Variants in GPATCH2 observed in about 807,000 individuals in gnomAD.
The protein encoded by GPATCH2 is G-patch domain containing 2.
Under a neutral mutation model 58.0 loss-of-function variants are expected in GPATCH2, and 51 were observed. That is an observed-to-expected ratio of 0.88 (90% CI 0.70 to 1.11). GPATCH2 has a LOEUF of 1.11. Ranked by LOEUF, GPATCH2 falls within the 50% of genes most tolerant of loss-of-function variation. The pLI, the probability that GPATCH2 is intolerant of heterozygous loss-of-function variation, is 0.00. For missense variants in GPATCH2, 625 were observed against 652.2 expected (o/e 0.96, Z 0.45); for synonymous variants, 222 against 218.5 (o/e 1.02, Z -0.14).
intron 8 of GPATCH2, among the ~76,000 whole-genome samples, chr1:217,487,987 G>A (rs961994440): frequency 2.6e-5 from 4 of 151,578 alleles, no homozygotes; most frequent in Admixed American, 1.3e-4. Flanking sequence ...TGATCCACCC[G>A]CCTTGGCTTC....
At chr1:217,530,910 T>A (rs1269383468) in intron 5 of GPATCH2, among the ~76,000 whole-genome samples, 1 of 152,052 alleles carries the variant, frequency 6.6e-6, no homozygotes, top group Non-Finnish European at 1.5e-5. Flanking sequence ...AAATTGAATG[T>A]TTTACAGCTG....
chr1:217,545,989 C>A (rs1665026168), intron 5 of GPATCH2, among the ~76,000 whole-genome samples: 2 of 152,202 alleles, frequency 1.3e-5, no homozygotes, highest in Admixed American at 1.3e-4. Context: ...TATCTGCCAA[C>A]TACTATGTTC....
At chr1:217,443,374 T>C (rs1659236494) in intron 9 of GPATCH2, among the ~76,000 whole-genome samples, 1 of 152,192 alleles carries the variant, frequency 6.6e-6, no homozygotes, top group Non-Finnish European at 1.5e-5. Flanking sequence ...ACATTCTCAA[T>C]TGTACTGCTA....
chr1:217,500,626 C>G (rs1188165190), intron 6 of GPATCH2, among the ~76,000 whole-genome samples: 1 of 152,078 alleles, frequency 6.6e-6, no homozygotes, highest in Admixed American at 6.6e-5. Context: ...ATCTGGATTT[C>G]TTTCCTCTGG....
In GPATCH2 at chr1:217,614,126, A is replaced by G; in HGVS notation, c.835+15T>C. On this transcript the variant is annotated intron_variant, in intron 3 of 9. Coordinates refer to ENST00000366935, the MANE Select transcript of GPATCH2 (RefSeq NM_018040.5). ...GAAGTTTTTCCAAAGAGAGAAAAAAATATCATTTCAGTACCTTGTCTTCCC... is the reference window on the plus strand; with the variant it reads ...GAAGTTTTTCCAAAGAGAGAAAAAAGTATCATTTCAGTACCTTGTCTTCCC... 6.8e-7 allele frequency: 1 copy of G among 1,467,712 alleles called. No homozygotes were observed. Among genetic ancestry groups the G allele is most frequent in the Non-Finnish European group, 9.5e-7 (1 of 1,047,540 alleles). The allele number at this position is 1,467,712 out of a possible 1,614,324, so 90.9% of individuals were successfully genotyped here. A position where few individuals can be genotyped will look rare whatever the true frequency, so the allele number is the denominator to read the frequency against.
intron 2 of GPATCH2, among the ~76,000 whole-genome samples, chr1:217,619,408 T>C (rs1669069135): frequency 6.6e-6 from 1 of 152,186 alleles, no homozygotes; most frequent in Admixed American, 6.5e-5. Context: ...GATTAATGAA[T>C]TGTGACACTC....
intron 5 of GPATCH2, among the ~76,000 whole-genome samples, chr1:217,601,840 T>A (rs2102793741): frequency 6.6e-6 from 1 of 152,294 alleles, no homozygotes; most frequent in South Asian, 2.1e-4. Flanking sequence ...TCCACCAGGT[T>A]TATTTTTATT....
intron 5 of GPATCH2, among the ~76,000 whole-genome samples, chr1:217,584,362 T>TAC (rs1449644698): frequency 1.3e-4 from 14 of 109,222 alleles, no homozygotes; most frequent in African/African-American, 5.1e-4. Flanking sequence ...TATATATATA[T>TAC]ATACACACAC....
rs1558524325 is a variant in GPATCH2 at position 217,611,036 on chromosome 1, C to G, written c.871G>C (p.Glu291Gln). Residue 291 changes from glutamate (E) to glutamine (Q), a missense_variant, in exon 4 of 10, where the codon GAA (glutamate) becomes CAA (glutamine). By Grantham distance (29) the Glu-to-Gln change is conservative. Coordinates refer to ENST00000366935, the MANE Select transcript of GPATCH2 (RefSeq NM_018040.5). Reference protein sequence around the residue: ...DEQSDWFYEKESGGACGITGV... With the variant: ...DEQSDWFYEKQSGGACGITGV... Reference sequence around the variant, plus strand: ...GTGATACCACATGCTCCACCTGATTCCTTTTCGTAGAACCAGTCACTCTGT... The same window carrying G: ...GTGATACCACATGCTCCACCTGATTGCTTTTCGTAGAACCAGTCACTCTGT... 2 of 1,613,578 alleles carry G rather than the reference C, an allele frequency of 1.2e-6. No homozygotes were observed. Among genetic ancestry groups the G allele is most frequent in the South Asian group, 1.1e-5 (1 of 91,054 alleles).
chr1:217,561,434 G>A (rs1665919251), intron 5 of GPATCH2, among the ~76,000 whole-genome samples: 1 of 152,188 alleles, frequency 6.6e-6, no homozygotes, highest in Non-Finnish European at 1.5e-5. Context: ...GACACTTCAA[G>A]CAGCGAGAAG....
At chr1:217,597,108 T>A (rs1051596265) in intron 5 of GPATCH2, among the ~76,000 whole-genome samples, 1 of 151,674 alleles carries the variant, frequency 6.6e-6, no homozygotes, top group African/African-American at 2.4e-5. Flanking sequence ...GAGGATCACT[T>A]AAGGCCAGGA....
intron 9 of GPATCH2, among the ~76,000 whole-genome samples, chr1:217,431,701 T>C (rs1473568948): frequency 6.6e-6 from 1 of 152,212 alleles, no homozygotes; most frequent in Non-Finnish European, 1.5e-5. Context: ...GTAAAGAAAC[T>C]TCTCAGTAAA....
intron 8 of GPATCH2, among the ~76,000 whole-genome samples, chr1:217,486,103 C>A (rs539550229): frequency 4.9e-4 from 75 of 152,262 alleles, no homozygotes; most frequent in Middle Eastern, 3.4e-3. Context: ...AGTATTTAAT[C>A]CATAGACAAT....
At chr1:217,516,469 A>C (rs1022729742) in intron 5 of GPATCH2, among the ~76,000 whole-genome samples, 3 of 152,182 alleles carry the variant, frequency 2.0e-5, no homozygotes, top group African/African-American at 7.2e-5. Context: ...CCACAGGTAA[A>C]CATGTGGCTC....
chr1:217,456,720 G>A (rs1383955439), intron 8 of GPATCH2, among the ~76,000 whole-genome samples: 1 of 152,172 alleles, frequency 6.6e-6, no homozygotes, highest in Non-Finnish European at 1.5e-5. Context: ...CAAAAAAATA[G>A]ACTCAGTAGT....
rs562483804 is a variant in GPATCH2, at chr1:217,524,197, G to A, written c.1099-9308C>T. 3.9e-3 allele frequency among the ~76,000 whole-genome samples: 566 copies of A among 145,784 alleles called. 17 individuals carry two copies. The highest frequency in any genetic ancestry group is 0.013 in the African/African-American group (518 of 39,396). ...TTCTCAGACGGGGCGGCTGCTGGGC[G>A]GAGGGGCTCCTCACTTCTCAGACAG... On this transcript the variant is annotated intron_variant, in intron 5 of 9. Coordinates refer to ENST00000366935, the MANE Select transcript of GPATCH2 (RefSeq NM_018040.5).
At chr1:217,474,133 T>C (rs1291028379) in intron 8 of GPATCH2, among the ~76,000 whole-genome samples, 3 of 152,096 alleles carry the variant, frequency 2.0e-5, no homozygotes, top group East Asian at 3.9e-4. Context: ...GCACTGCTTA[T>C]GGTAACTGAT....
intron 8 of GPATCH2, among the ~76,000 whole-genome samples, chr1:217,488,283 A>G (rs1315366664): frequency 6.6e-6 from 1 of 152,166 alleles, no homozygotes; most frequent in East Asian, 1.9e-4. Flanking sequence ...ATTTTGTGTT[A>G]CAGAAATTTT....
chr1:217,580,516 C>T (rs948634236), intron 5 of GPATCH2, among the ~76,000 whole-genome samples: 4 of 152,072 alleles, frequency 2.6e-5, no homozygotes, highest in Admixed American at 6.6e-5. Context: ...AAATTTTCCC[C>T]GTTATCTCAA....
Sources: allele counts gnomAD v4.1 joint callset (sites outside exome capture counted in the v4.1 genomes callset), GRCh38; gene constraint gnomAD v4.1.1; transcripts MANE v1.5; gene names NCBI Gene and HGNC (gene_info 2026-07-23, HGNC 2026-07-21).